UPB1: variants seen among roughly 807,000 people sequenced by gnomAD.
The protein encoded by UPB1 is beta-ureidopropionase.
In UPB1, 40 loss-of-function variants were observed where a neutral mutation model predicts 49.1. The ratio of observed to expected loss-of-function variants is 0.81; its 90% CI spans 0.63 to 1.06. UPB1 has a LOEUF of 1.06. UPB1 is among the 50% of genes least tolerant of loss of function. The probability of loss-of-function intolerance (pLI) is 0.00; values close to 1 mark genes in which losing one functional copy is unlikely to be tolerated. For synonymous variants in UPB1, 207 were observed against 198.2 expected (o/e 1.04, Z -0.38); for missense variants, 499 against 505.9 (o/e 0.99, Z 0.13).
intron 7 of UPB1, among the ~76,000 whole-genome samples, chr22:24,521,484 A>G (rs546515938): frequency 6.6e-6 from 1 of 152,252 alleles, no homozygotes; most frequent in South Asian, 2.1e-4. Context: ...TCCAAAATAA[A>G]TAAATAATTA....
intron 3 of UPB1, among the ~76,000 whole-genome samples, chr22:24,505,827 C>T (rs5751892): frequency 0.48 from 72,958 of 150,836 alleles, 18,234 homozygotes; most frequent in Non-Finnish European, 0.56. Context: ...ATTTTTCTGC[C>T]TCAGCCTCCT....
chr22:24,512,136 GA>G lies in UPB1; in HGVS notation c.460-1177del, dbSNP rs140329. Among the ~76,000 whole-genome samples the G allele has an allele frequency of 2.7e-3, 404 of 147,220 alleles. 2 individuals carry two copies. The highest frequency in any genetic ancestry group is 0.024 in the East Asian group (121 of 5,080). On this transcript the variant is annotated intron_variant, in intron 4 of 9. Transcript: ENST00000326010. ...ACATCGATGTTCTCAGGCTGTAGGG[GA>G]AAAAAAAAAATCTCTCATTCACCAG...
chr22:24,521,201 G>GAAAAAAT (rs1568995772), intron 7 of UPB1, among the ~76,000 whole-genome samples: 23 of 137,404 alleles, frequency 1.7e-4, no homozygotes, highest in Non-Finnish European at 2.1e-4. Context: ...AAAAAAAAAG[G>GAAAAAAT]CCAGGTGCGG....
chr22:24,516,885 T>G (rs887131513), intron 6 of UPB1: 2 of 152,102 alleles, frequency 1.3e-5, no homozygotes, highest in Admixed American at 6.5e-5. Context: ...CCACCATACC[T>G]GGCTAATTTT....
intron 6 of UPB1, among the ~76,000 whole-genome samples, chr22:24,516,980 T>C (rs1418345144): frequency 6.6e-6 from 1 of 152,200 alleles, no homozygotes; most frequent in African/African-American, 2.4e-5. Context: ...CACCTTGGCC[T>C]CCCAAAGTGC....
rs2044431607 is a variant in UPB1, at chr22:24,523,485, C to T, written c.917-134C>T. 3.1e-5 allele frequency: 42 copies of T among 1,352,676 alleles called. No homozygotes were observed. The South Asian group carries it at 5.0e-4, about 16-fold the overall frequency. The allele number at this position is 1,352,676 out of a possible 1,614,324, so 83.8% of individuals were successfully genotyped here. A position where few individuals can be genotyped will look rare whatever the true frequency, so the allele number is the denominator to read the frequency against. ...GAGATGAGAGACAGGCCTTTTGGGC[C>T]TCAGCATTTGGCAGACACTGGGGAG... On this transcript the variant is annotated intron_variant, in intron 8 of 9. Coordinates refer to ENST00000326010, the MANE Select transcript of UPB1 (RefSeq NM_016327.3).
At chr22:24,510,311 C>T (rs1349820825) in intron 3 of UPB1, among the ~76,000 whole-genome samples, 1 of 151,968 alleles carries the variant, frequency 6.6e-6, no homozygotes, top group Non-Finnish European at 1.5e-5. Context: ...TGTGTCTTAG[C>T]ATATTCTTAA....
chr22:24,520,397 T>C lies in UPB1; in HGVS notation c.802T>C (p.Trp268Arg). The C allele has an allele frequency of 6.2e-7, 1 of 1,614,178 alleles. No individual in the cohort carries two copies. The highest frequency in any genetic ancestry group is 8.5e-7 in the Non-Finnish European group (1 of 1,180,034). ...GGTCCTCTCTTACAGCGAGTCCCTG[T>C]GGCCCATCGAGGCCAGAAACGCAGC... is the stretch of plus-strand genomic sequence containing the variant. ...ATIGALSESL[W>R]PIEARNAAIA... The change falls in exon 7 of 10, where the codon TGG becomes CGG. Residue 268 changes from tryptophan (W) to arginine (R), a missense_variant. Physicochemically the swap from Trp to Arg is moderately radical, Grantham distance 101. Transcript: ENST00000326010.
At chr22:24,513,586 A>G (rs1431326575) in intron 5 of UPB1, 101 bp downstream of exon 5, 9 of 1,489,312 alleles carry the variant, frequency 6.0e-6, no homozygotes, top group African/African-American at 4.2e-5. Flanking sequence ...GTGCAGGATC[A>G]TACTCCATGT....
intron 3 of UPB1, chr22:24,502,778 AC>A (rs2044017309): frequency 2.0e-6 from 1 of 502,680 alleles, no homozygotes; most frequent in Non-Finnish European, 3.5e-6. Flanking sequence ...GTTTTGCATC[AC>A]CTATTGACTT....
At chr22:24,502,605 C>T (rs2044014523) in intron 3 of UPB1, 3 of 713,482 alleles carry the variant, frequency 4.2e-6, no homozygotes, top group South Asian at 1.5e-5. Flanking sequence ...TAGTATGTAC[C>T]TTTGTGGTTT....
chr22:24,517,068 CCTTTT>C (rs1202239322), intron 6 of UPB1, among the ~76,000 whole-genome samples: 1 of 152,184 alleles, frequency 6.6e-6, no homozygotes, highest in Non-Finnish European at 1.5e-5. Flanking sequence ...GTGACATTTA[CCTTTT>C]CTTTTCATAC....
At chr22:24,519,300 C>T (rs2044347835) in intron 6 of UPB1, among the ~76,000 whole-genome samples, 1 of 152,092 alleles carries the variant, frequency 6.6e-6, no homozygotes, top group East Asian at 1.9e-4. Flanking sequence ...TGGTTTAAAC[C>T]AGGTGCCTGC....
intron 5 of UPB1, 74 bp downstream of exon 5, chr22:24,513,559 TTC>T: frequency 6.4e-7 from 1 of 1,553,848 alleles, no homozygotes. Flanking sequence ...CTGTGGGACT[TTC>T]TGTGGGGAAG....
intron 9 of UPB1, among the ~76,000 whole-genome samples, chr22:24,525,069 C>T (rs2044459752): frequency 6.6e-6 from 1 of 152,134 alleles, no homozygotes; most frequent in African/African-American, 2.4e-5. Flanking sequence ...GAATGCTGGC[C>T]AACTCTTTTT....
intron 8 of UPB1, among the ~76,000 whole-genome samples, chr22:24,523,183 CAT>C (rs769186354): frequency 3.9e-5 from 6 of 152,290 alleles, no homozygotes; most frequent in East Asian, 3.9e-4. Context: ...GCTCCTTACA[CAT>C]GTGTGGGGTG....
At chr22:24,496,964 GGCA>G in intron 1 of UPB1, among the ~76,000 whole-genome samples, 1 of 152,266 alleles carries the variant, frequency 6.6e-6, no homozygotes. Flanking sequence ...AAGCTCCCTA[GGCA>G]GCAGGGAGAG....
intron 2 of UPB1, 27 bp downstream of exon 2, chr22:24,500,305 TACAC>T (rs756866628): frequency 6.2e-7 from 1 of 1,613,058 alleles, no homozygotes; most frequent in Admixed American, 1.7e-5. Context: ...CCATAATAAA[TACAC>T]AAACAGGGTT....
At chr22:24,520,155 T>G (rs986261016) in intron 6 of UPB1, 47 of 584,518 alleles carry the variant, frequency 8.0e-5, no homozygotes, top group Non-Finnish European at 1.3e-4. Flanking sequence ...CAAAGGCTGT[T>G]CAGGCCAGGG....
Sources: allele counts gnomAD v4.1 joint callset (sites outside exome capture counted in the v4.1 genomes callset), GRCh38; gene constraint gnomAD v4.1.1; transcripts MANE v1.5; gene names NCBI Gene and HGNC (gene_info 2026-07-23, HGNC 2026-07-21).